Variants in GPAT4 observed in about 807,000 individuals in gnomAD.
GPAT4 encodes the protein 1-AGP acyltransferase 6.
GPAT4 carries 17 observed loss-of-function variants against 58.0 expected under a neutral mutation model. That is an observed-to-expected ratio of 0.29 (90% CI 0.20 to 0.44). The LOEUF (loss-of-function observed/expected upper bound fraction) is 0.44. Ranked by LOEUF, GPAT4 falls within the 20% of genes least tolerant of loss-of-function variation. The probability of loss-of-function intolerance (pLI) is 1.00; values close to 1 mark genes in which losing one functional copy is unlikely to be tolerated. For missense variants in GPAT4, 377 were observed against 574.5 expected (o/e 0.66, Z 3.51); for synonymous variants, 204 against 210.1 (o/e 0.97, Z 0.25).
At chr8:41,600,670 G>A (rs1461079452) in intron 2 of GPAT4, among the ~76,000 whole-genome samples, 1 of 151,656 alleles carries the variant, frequency 6.6e-6, no homozygotes, top group Non-Finnish European at 1.5e-5. Flanking sequence ...GTTCAGTAGC[G>A]TTTACTATAT....
intron 2 of GPAT4, among the ~76,000 whole-genome samples, chr8:41,600,165 A>G (rs1366857050): frequency 1.3e-5 from 2 of 149,804 alleles, no homozygotes; most frequent in African/African-American, 4.9e-5. Context: ...CAGCCTCCTG[A>G]GTAGCTGGGA....
At chr8:41,619,005 T>G in intron 12 of GPAT4, 28 bp downstream of exon 12, 1 of 1,613,002 alleles carries the variant, frequency 6.2e-7, no homozygotes, top group African/African-American at 1.3e-5. Flanking sequence ...CCTTTTCAGC[T>G]GAGTTTCTGC....
At position 41,619,111 on chromosome 8, in the gene GPAT4, C is replaced by T. The variant is rs761783311; in HGVS notation, c.1262+134C>T. 55 of 1,093,084 alleles carry T rather than the reference C, an allele frequency of 5.0e-5. No homozygotes were observed. The Middle Eastern group carries it at 1.8e-3, about 35-fold the overall frequency. 67.7% of individuals were successfully genotyped at this position (1,093,084 alleles called of 1,614,324 possible). ...CTAGAGAGAGCAGTTTGACTCTCCCCGAATTCCAACCCAGAAGTGCCCTGT... is the reference window on the plus strand; with the variant it reads ...CTAGAGAGAGCAGTTTGACTCTCCCTGAATTCCAACCCAGAAGTGCCCTGT... On this transcript the variant is annotated intron_variant, in intron 12 of 12. Coordinates refer to ENST00000396987, the MANE Select transcript of GPAT4 (RefSeq NM_178819.4).
intron 6 of GPAT4, 51 bp downstream of exon 6, chr8:41,612,043 C>T (rs538124664): frequency 3.5e-5 from 56 of 1,602,558 alleles, no homozygotes; most frequent in Non-Finnish European, 4.5e-5. Flanking sequence ...CAGGAAACAC[C>T]ACCCACCTAT....
intron 1 of GPAT4, among the ~76,000 whole-genome samples, chr8:41,594,927 C>T (rs976012217): frequency 1.3e-5 from 2 of 151,942 alleles, no homozygotes; most frequent in African/African-American, 2.4e-5. Flanking sequence ...AAATTCTGTC[C>T]CCCCTTTTTT....
intron 2 of GPAT4, among the ~76,000 whole-genome samples, chr8:41,608,927 C>T (rs1419801889): frequency 6.6e-6 from 1 of 152,250 alleles, no homozygotes; most frequent in East Asian, 1.9e-4. Context: ...TAAAATGTTA[C>T]TCCTGTTACT....
In GPAT4 at chr8:41,599,210, C is replaced by G; in HGVS notation, c.71C>G (p.Thr24Ser). 1 of 1,614,054 alleles carries G rather than the reference C, an allele frequency of 6.2e-7. No individual in the cohort carries two copies. The highest frequency in any genetic ancestry group is 8.5e-7 in the Non-Finnish European group (1 of 1,180,002). ...GGCATCTCCCTGACTGTCCTCTTCA[C>G]CCTCCTTCTCGTTTTCATCATAGTG... ...LLGISLTVLF[T>S]LLLVFIIVPA... is the part of the protein sequence containing the mutation. Residue 24 changes from threonine (T) to serine (S), a missense_variant, in exon 2 of 13, where the codon ACC becomes AGC. Transcript: ENST00000396987.
Position 41,621,135 on chromosome 8 carries a change from C to T in GPAT4, c.*134C>T, listed in dbSNP as rs766683623. 2.6e-5 allele frequency: 34 copies of T among 1,284,064 alleles called. No individual in the cohort carries two copies. The highest frequency in any genetic ancestry group is 2.7e-4 in the Middle Eastern group (1 of 3,644). 79.5% of individuals were successfully genotyped at this position (1,284,064 alleles called of 1,614,324 possible). The stretch of plus-strand genomic sequence containing the variant: ...CGGGCTGCTCTGGATCCCAGGACTC[C>T]GGCTTTCGCCGAGCCGCAGCGGGAT... On this transcript the variant is annotated 3_prime_UTR_variant, in exon 13 of 13. Transcript: ENST00000396987.
chr8:41,579,270 G>A (rs1381089977), intron 1 of GPAT4, among the ~76,000 whole-genome samples: 1 of 152,196 alleles, frequency 6.6e-6, no homozygotes, highest in Non-Finnish European at 1.5e-5. Context: ...GAACCAGCAT[G>A]TACTTGTTCT....
At chr8:41,583,044 G>A (rs114026759) in intron 1 of GPAT4, among the ~76,000 whole-genome samples, 2,890 of 152,032 alleles carry the variant, frequency 0.019, 73 homozygotes, top group African/African-American at 0.063. Flanking sequence ...CCAACATGAT[G>A]AAACCCCTTC....
At chr8:41,578,374 G>T (rs1278392654) in intron 1 of GPAT4, 96 bp downstream of exon 1, 1 of 151,898 alleles carries the variant, frequency 6.6e-6, no homozygotes, top group Non-Finnish European at 1.5e-5. Flanking sequence ...GCCGCGCGGG[G>T]CCTGCGGTCT....
At chr8:41,592,872 T>A (rs1802831808) in intron 1 of GPAT4, among the ~76,000 whole-genome samples, 1 of 152,132 alleles carries the variant, frequency 6.6e-6, no homozygotes, top group African/African-American at 2.4e-5. Flanking sequence ...GGGGATTGGT[T>A]ATTACTAGCT....
Position 41,610,783 on chromosome 8 carries a change from C to A in GPAT4, c.584C>A (p.Thr195Asn). ...TGISLLVVGTTVVGYLPNGRF... is the reference protein window; with the variant it reads ...TGISLLVVGTNVVGYLPNGRF... Reference sequence around the variant, plus strand: ...ATTAGCCTTCTGGTGGTGGGCACAACTGTGGTGGGATACTTGCCAAATGGG... The same window carrying A: ...ATTAGCCTTCTGGTGGTGGGCACAAATGTGGTGGGATACTTGCCAAATGGG... Residue 195 changes from threonine to asparagine, a missense_variant, in exon 5 of 13, where the codon ACT becomes AAT. Thr to Asn is a moderately conservative substitution (Grantham distance 65). Coordinates refer to ENST00000396987, the MANE Select transcript of GPAT4 (RefSeq NM_178819.4). 6.2e-7 allele frequency: 1 copy of A among 1,612,082 alleles called. No homozygotes were observed. Among genetic ancestry groups the A allele is most frequent in the Non-Finnish European group, 8.5e-7 (1 of 1,178,884 alleles).
At chr8:41,616,030 C>T (rs934263737) in intron 10 of GPAT4, among the ~76,000 whole-genome samples, 11 of 152,210 alleles carry the variant, frequency 7.2e-5, no homozygotes, top group African/African-American at 2.7e-4. Flanking sequence ...TCACCAGAGC[C>T]TGAGGATGCT....
chr8:41,607,471 C>T lies in GPAT4; in HGVS notation c.166-1945C>T, dbSNP rs373253773. ...AATTGTCATCTGAGAGGCCTTATGTCATATATTCTCTGCCTATTGCAGTCT... is the reference window on the plus strand; with the variant it reads ...AATTGTCATCTGAGAGGCCTTATGTTATATATTCTCTGCCTATTGCAGTCT... On this transcript the variant is annotated intron_variant, in intron 2 of 12. Transcript: ENST00000396987. Among the ~76,000 whole-genome samples the T allele has an allele frequency of 4.3e-4, 65 of 151,996 alleles. No homozygotes were observed. In the South Asian group the frequency reaches 0.013, roughly 31 times the overall value.
chr8:41,607,196 C>T (rs778811584), intron 2 of GPAT4, among the ~76,000 whole-genome samples: 8 of 152,158 alleles, frequency 5.3e-5, no homozygotes, highest in Non-Finnish European at 1.0e-4. Context: ...ACCTGATCAG[C>T]CATTTCTTAA....
At chr8:41,611,875 AC>A (rs1563277932) in intron 5 of GPAT4, 27 bp from the exon 6 acceptor site, 1 of 1,608,666 alleles carries the variant, frequency 6.2e-7, no homozygotes, top group East Asian at 2.2e-5. Context: ...GTAAAATAAA[AC>A]CCAGAATCCT....
chr8:41,587,245 G>A (rs2150482385), intron 1 of GPAT4, among the ~76,000 whole-genome samples: 1 of 152,306 alleles, frequency 6.6e-6, no homozygotes, highest in East Asian at 1.9e-4. Context: ...TCCCTGTCAG[G>A]CCATGTGAAC....
chr8:41,590,390 ACTT>A (rs1450433363), intron 1 of GPAT4, among the ~76,000 whole-genome samples: 1 of 152,152 alleles, frequency 6.6e-6, no homozygotes, highest in Non-Finnish European at 1.5e-5. Flanking sequence ...GGCCAGTGCT[ACTT>A]CATTTTAAAG....
Sources: gnomAD v4.1 joint callset for allele counts (sites outside exome capture counted in the v4.1 genomes callset) on GRCh38, gnomAD v4.1.1 for gene constraint, MANE v1.5 for transcripts, NCBI Gene and HGNC (gene_info 2026-07-23, HGNC 2026-07-21) for gene names.